The following AFP variants were observed in gnomAD, a reference collection of about 807,000 sequenced individuals.
The protein encoded by AFP is alpha-fetoprotein.
In AFP, 64 loss-of-function variants were observed where a neutral mutation model predicts 78.9. The observed-to-expected ratio is 0.81, with a 90% CI of 0.66 to 1.00. AFP has a LOEUF of 1.00. Ranked by LOEUF, AFP falls within the 50% of genes least tolerant of loss-of-function variation. The probability of loss-of-function intolerance (pLI) is 0.00; values close to 1 mark genes in which losing one functional copy is unlikely to be tolerated. For missense variants in AFP, 689 were observed against 703.8 expected (o/e 0.98, Z 0.24); for synonymous variants, 254 against 243.8 (o/e 1.04, Z -0.39).
chr4:73,449,392 A>G lies in AFP; in HGVS notation c.1116A>G (p.Arg372=). Residue 372 remains arginine (R), a synonymous_variant, in exon 9 of 15, where the codon AGA becomes AGG. Transcript: ENST00000395792. ...HPQLAVSVIL[R]VAKGYQELLE... is the part of the protein sequence containing the mutation. ...AGCTTGCTGTCTCAGTAATTCTAAG[A>G]GTTGCTAAAGGATACCAGGAGTTAT... is the stretch of plus-strand genomic sequence containing the variant. 6.2e-7 allele frequency: 1 copy of G among 1,613,538 alleles called. No individual in the cohort carries two copies. The highest frequency in any genetic ancestry group is 8.5e-7 in the Non-Finnish European group (1 of 1,179,612).
At chr4:73,443,482 T>A (rs1719733149) in intron 6 of AFP, 38 bp downstream of exon 6, 2 of 1,466,190 alleles carry the variant, frequency 1.4e-6, no homozygotes, top group Non-Finnish European at 1.9e-6. Context: ...GGGTGAGAGC[T>A]ACAGAACTAC....
intron 1 of AFP, among the ~76,000 whole-genome samples, chr4:73,436,952 C>T (rs1157417883): frequency 1.3e-5 from 2 of 151,948 alleles, no homozygotes; most frequent in Non-Finnish European, 2.9e-5. Flanking sequence ...GATAGGTCTA[C>T]TATAAATTAT....
rs146022530 is a variant in AFP at position 73,449,087 on chromosome 4, C to A, written c.1059-248C>A. ...TTGTTGAATAAATGAATATAAAGTC[C>A]GTAATTGAAAAGTCAAATTGAGAGA... On this transcript the variant is annotated intron_variant, in intron 8 of 14. Coordinates refer to ENST00000395792, the MANE Select transcript of AFP (RefSeq NM_001134.3). 1.2e-3 allele frequency among the ~76,000 whole-genome samples: 177 copies of A among 151,906 alleles called. 1 individual carries two copies. The highest frequency in any genetic ancestry group is 6.8e-3 in the Middle Eastern group (2 of 294).
intron 11 of AFP, 93 bp downstream of exon 11, chr4:73,450,846 C>T (rs1719972250): frequency 6.3e-7 from 1 of 1,597,218 alleles, no homozygotes; most frequent in African/African-American, 1.3e-5. Context: ...CGGTAAAAAC[C>T]AATGTAGAGA....
rs185017353 is a variant in AFP at position 73,454,041 on chromosome 4, A to G, written c.1785+144A>G. 1.2e-4 allele frequency: 106 copies of G among 918,614 alleles called. No homozygotes were observed. In the African/African-American group the frequency reaches 1.6e-3, roughly 14 times the overall value. 56.9% of individuals were successfully genotyped at this position (918,614 alleles called of 1,614,324 possible). On this transcript the variant is annotated intron_variant, in intron 13 of 14. Coordinates refer to ENST00000395792, the MANE Select transcript of AFP (RefSeq NM_001134.3). The stretch of plus-strand genomic sequence containing the variant: ...ATTGAGAAGCAGATTGAGGGATTCT[A>G]TAAGATTTAAAAAATAATCACATTT...
At position 73,442,282 on chromosome 4, in the gene AFP, A is replaced by G; in HGVS notation, c.483-14A>G. On this transcript the variant is annotated splice_polypyrimidine_tract_variant and intron_variant, in intron 4 of 14. Coordinates refer to ENST00000395792, the MANE Select transcript of AFP (RefSeq NM_001134.3). The stretch of plus-strand genomic sequence containing the variant: ...AGGTGTTTATAAATCTTCTAGCTCT[A>G]TTTTATTTCACAGATTCATTTATGA... The G allele has an allele frequency of 6.2e-7, 1 of 1,611,342 alleles. No individual in the cohort carries two copies. Among genetic ancestry groups the G allele is most frequent in the South Asian group, 1.1e-5 (1 of 90,834 alleles).
intron 1 of AFP, 71 bp from the exon 2 acceptor site, chr4:73,437,089 C>A: frequency 8.8e-7 from 1 of 1,138,256 alleles, no homozygotes; most frequent in Non-Finnish European, 1.3e-6. Context: ...CACAAACATT[C>A]ATATGTAACA....
chr4:73,449,751 A>G (rs1308475902), intron 9 of AFP, among the ~76,000 whole-genome samples: 1 of 152,198 alleles, frequency 6.6e-6, no homozygotes, highest in Non-Finnish European at 1.5e-5. Flanking sequence ...TTCATTATTC[A>G]TTTTTGGATA....
chr4:73,450,135 T>A lies in AFP; in HGVS notation c.1289+2T>A, dbSNP rs1463623061. On this transcript the variant is annotated splice_donor_variant, in intron 10 of 14. Transcript: ENST00000395792. LOFTEE classifies it high-confidence loss of function. ...AGGAGAATATTACTTACAAAATGCG[T>A]ATGTTTTTGTAAACAGTATTTTTAG... is the stretch of plus-strand genomic sequence containing the variant. 3 of 1,597,850 alleles carry A rather than the reference T, an allele frequency of 1.9e-6. No individual in the cohort carries two copies. The highest frequency in any genetic ancestry group is 2.6e-6 in the Non-Finnish European group (3 of 1,166,100).
chr4:73,454,719 A>G (rs1720108782), intron 13 of AFP, among the ~76,000 whole-genome samples: 1 of 152,180 alleles, frequency 6.6e-6, no homozygotes, highest in Admixed American at 6.6e-5. Context: ...TTTTCTATAA[A>G]TAATATAATT....
intron 13 of AFP, 78 bp from the exon 14 acceptor site, chr4:73,455,158 C>A: frequency 4.4e-6 from 5 of 1,143,186 alleles, no homozygotes; most frequent in South Asian, 2.5e-5. Context: ...GAATTCACCC[C>A]GGATTGTAGA....
At chr4:73,455,526 C>A in intron 14 of AFP, 105 bp from the exon 15 acceptor site, 1 of 650,362 alleles carries the variant, frequency 1.5e-6, no homozygotes, top group South Asian at 1.7e-5. Context: ...TATCAGAAGA[C>A]TTTCCTACGT....
At chr4:73,439,916 G>T (rs1166469995) in intron 3 of AFP, among the ~76,000 whole-genome samples, 1 of 126,284 alleles carries the variant, frequency 7.9e-6, no homozygotes, top group Non-Finnish European at 1.6e-5. Flanking sequence ...TCTGAAATGT[G>T]GTATGTCTGT....
chr4:73,444,524 A>C (rs1398742846), intron 6 of AFP, among the ~76,000 whole-genome samples: 3 of 152,148 alleles, frequency 2.0e-5, no homozygotes, highest in African/African-American at 7.2e-5. Flanking sequence ...GTATGCCTGA[A>C]ATGTTTAATC....
intron 7 of AFP, among the ~76,000 whole-genome samples, chr4:73,446,434 GT>G (rs1376652441): frequency 6.6e-6 from 1 of 152,090 alleles, no homozygotes; most frequent in African/African-American, 2.4e-5. Flanking sequence ...TGAATAATGG[GT>G]TCTAATTATC....
chr4:73,450,574 G>T, intron 10 of AFP, 41 bp from the exon 11 acceptor site: 2 of 1,613,848 alleles, frequency 1.2e-6, no homozygotes, highest in South Asian at 2.2e-5. Flanking sequence ...AAAAACTCAT[G>T]AATGACTCAG....
chr4:73,450,117 T>C lies in AFP; in HGVS notation c.1273T>C (p.Tyr425His). The change falls in exon 10 of 15, where the codon TAT (tyrosine) becomes CAT (histidine). Residue 425 changes from tyrosine (Y) to histidine (H), a missense_variant. Tyr to His is a moderately conservative substitution (Grantham distance 83). Coordinates refer to ENST00000395792, the MANE Select transcript of AFP (RefSeq NM_001134.3). Reference protein sequence around the residue: ...SCGLFQKLGEYYLQNAFLVAY... With the variant: ...SCGLFQKLGEHYLQNAFLVAY... ...CGGCCTCTTCCAGAAACTAGGAGAATATTACTTACAAAATGCGTATGTTTT... is the reference window on the plus strand; with the variant it reads ...CGGCCTCTTCCAGAAACTAGGAGAACATTACTTACAAAATGCGTATGTTTT... The C allele has an allele frequency of 1.2e-6, 2 of 1,612,198 alleles. No homozygotes were observed. Among genetic ancestry groups the C allele is most frequent in the Non-Finnish European group, 1.7e-6 (2 of 1,178,452 alleles).
chr4:73,445,588 C>T (rs1249758477), intron 7 of AFP, among the ~76,000 whole-genome samples: 1 of 152,194 alleles, frequency 6.6e-6, no homozygotes, highest in African/African-American at 2.4e-5. Flanking sequence ...ACAGTGACCT[C>T]CTTGGAGTTA....
chr4:73,438,477 G>T (rs1719575208), intron 3 of AFP, among the ~76,000 whole-genome samples, 171 bp downstream of exon 3: 1 of 152,102 alleles, frequency 6.6e-6, no homozygotes, highest in African/African-American at 2.4e-5. Flanking sequence ...GAGAACAATA[G>T]GTAGTTATTA....
Sources: allele counts gnomAD v4.1 joint callset (sites outside exome capture counted in the v4.1 genomes callset), GRCh38; gene constraint gnomAD v4.1.1; transcripts MANE v1.5; gene names NCBI Gene and HGNC (gene_info 2026-07-23, HGNC 2026-07-21).